The following IL1RAPL1 variants were observed in gnomAD, a reference collection of about 807,000 sequenced individuals.
IL1RAPL1 encodes interleukin 1 receptor accessory protein like 1.
Under a neutral mutation model 48.4 loss-of-function variants are expected in IL1RAPL1, and 3 were observed. The observed-to-expected ratio is 0.06, with a 90% CI of 0.03 to 0.16. The LOEUF is 0.16. Among genes scored for constraint, IL1RAPL1 ranks in the 10% least tolerant of loss-of-function variants. The pLI, the probability that IL1RAPL1 is intolerant of heterozygous loss-of-function variation, is 1.00. For missense variants in IL1RAPL1, 349 were observed against 530.6 expected (o/e 0.66, Z 3.36); for synonymous variants, 185 against 187.7 (o/e 0.99, Z 0.12).
At chrX:28,879,361 A>G (rs1452104363) in intron 2 of IL1RAPL1, among the ~76,000 whole-genome samples, 1 of 111,517 alleles carries the variant, frequency 9.0e-6, no homozygotes, top group Non-Finnish European at 1.9e-5. Context: ...ATGCAAAATG[A>G]GTCATGTTTT....
chrX:28,608,713 A>C (rs1194809279), intron 1 of IL1RAPL1, among the ~76,000 whole-genome samples: 2 of 112,008 alleles, frequency 1.8e-5, no homozygotes, highest in African/African-American at 3.2e-5. Flanking sequence ...AATTATTAAA[A>C]AATGTAACAT....
chrX:29,598,706 T>G (rs1923628715), intron 5 of IL1RAPL1, among the ~76,000 whole-genome samples: 1 of 111,794 alleles, frequency 8.9e-6, no homozygotes, highest in South Asian at 3.8e-4. Flanking sequence ...ACTTGGGAGC[T>G]CCAGTCTTAG....
At chrX:29,766,057 G>A (rs1180112559) in intron 6 of IL1RAPL1, among the ~76,000 whole-genome samples, 1 of 108,825 alleles carries the variant, frequency 9.2e-6, no homozygotes, top group Non-Finnish European at 1.9e-5. Flanking sequence ...CCGGCTGGGC[G>A]CGGTGGCTCA....
intron 1 of IL1RAPL1, among the ~76,000 whole-genome samples, chrX:28,746,988 C>T (rs1315086238): frequency 1.8e-5 from 2 of 110,591 alleles, no homozygotes; most frequent in African/African-American, 3.3e-5. Context: ...TTCTCTTTTT[C>T]GTCTTTCTAC....
At chrX:29,596,955 T>C (rs979404699) in intron 5 of IL1RAPL1, among the ~76,000 whole-genome samples, 3 of 111,588 alleles carry the variant, frequency 2.7e-5, no homozygotes, top group African/African-American at 6.5e-5. Context: ...TGATGGATTT[T>C]GTTAAATGCT....
chrX:29,029,758 T>A (rs951101350), intron 2 of IL1RAPL1, among the ~76,000 whole-genome samples: 3 of 112,143 alleles, frequency 2.7e-5, no homozygotes, highest in Non-Finnish European at 3.8e-5. Flanking sequence ...GTCCATCTTA[T>A]CAATTCTTTC....
intron 6 of IL1RAPL1, among the ~76,000 whole-genome samples, chrX:29,846,752 C>CTATATA (rs3084827): frequency 1.1e-5 from 1 of 93,622 alleles, no homozygotes; most frequent in African/African-American, 4.1e-5. Flanking sequence ...TAACCACAGT[C>CTATATA]TATATATATA....
chrX:29,876,927 C>G (rs1931916814), intron 6 of IL1RAPL1, among the ~76,000 whole-genome samples: 1 of 111,895 alleles, frequency 8.9e-6, no homozygotes, highest in Non-Finnish European at 1.9e-5. Context: ...GCAACCTGCT[C>G]CACGCGCCTC....
At chrX:28,599,916 C>A (rs1018008225) in intron 1 of IL1RAPL1, among the ~76,000 whole-genome samples, 1 of 112,088 alleles carries the variant, frequency 8.9e-6, no homozygotes, top group Non-Finnish European at 1.9e-5. Context: ...AAAATTGTCT[C>A]ACATTGAGTC....
intron 6 of IL1RAPL1, among the ~76,000 whole-genome samples, chrX:29,697,623 T>C (rs1372773183): frequency 1.8e-5 from 2 of 112,058 alleles, no homozygotes; most frequent in African/African-American, 3.2e-5. Flanking sequence ...CTATATATAC[T>C]CCAGACATTT....
At chrX:29,885,229 T>C (rs761374860) in intron 6 of IL1RAPL1, among the ~76,000 whole-genome samples, 71 of 112,133 alleles carry the variant, frequency 6.3e-4, no homozygotes, top group Non-Finnish European at 1.1e-3. Flanking sequence ...TTTTCTCAAA[T>C]GTCACCATTT....
chrX:28,768,715 C>CTT (rs1290284165), intron 1 of IL1RAPL1, among the ~76,000 whole-genome samples: 1 of 64,655 alleles, frequency 1.5e-5, no homozygotes, highest in Non-Finnish European at 2.7e-5. Flanking sequence ...CTCTCTCTCT[C>CTT]TCTCTCTCTC....
At chrX:29,400,429 T>C (rs1021919663) in intron 5 of IL1RAPL1, among the ~76,000 whole-genome samples, 1 of 112,419 alleles carries the variant, frequency 8.9e-6, no homozygotes, top group Admixed American at 9.5e-5. Context: ...TTTTTTTCTT[T>C]ATAGTGCATT....
chrX:29,054,205 C>T (rs1927161568), intron 2 of IL1RAPL1, among the ~76,000 whole-genome samples: 1 of 111,283 alleles, frequency 9.0e-6, no homozygotes, highest in Non-Finnish European at 1.9e-5. Flanking sequence ...TCCCCCTCTA[C>T]ACCAGCTATA....
chrX:28,966,574 G>A (rs902152563), intron 2 of IL1RAPL1, among the ~76,000 whole-genome samples: 1 of 111,827 alleles, frequency 8.9e-6, no homozygotes, highest in Admixed American at 9.6e-5. Flanking sequence ...GTATGACACA[G>A]GAGCGATTTT....
intron 2 of IL1RAPL1, among the ~76,000 whole-genome samples, chrX:28,874,374 T>A (rs1039912589): frequency 1.2e-4 from 14 of 112,057 alleles, no homozygotes; most frequent in African/African-American, 4.5e-4. Flanking sequence ...AGAAAATAAA[T>A]AGAAATATAG....
intron 6 of IL1RAPL1, among the ~76,000 whole-genome samples, chrX:29,836,616 C>T (rs1931013570): frequency 8.9e-6 from 1 of 112,041 alleles, no homozygotes; most frequent in Non-Finnish European, 1.9e-5. Context: ...AAAGTTCCTC[C>T]TGTTATGGAT....
chrX:29,719,456 C>G (rs1045173582), intron 6 of IL1RAPL1, among the ~76,000 whole-genome samples: 1 of 111,466 alleles, frequency 9.0e-6, no homozygotes, highest in African/African-American at 3.3e-5. Context: ...AGTCACATGT[C>G]TAGCCAATGG....
intron 5 of IL1RAPL1, among the ~76,000 whole-genome samples, chrX:29,514,308 C>A (rs1935423903): frequency 8.9e-6 from 1 of 112,274 alleles, no homozygotes. Flanking sequence ...TCAAGATTTT[C>A]TTCACACGTT....
Sources: gnomAD v4.1 joint callset for allele counts (sites outside exome capture counted in the v4.1 genomes callset) on GRCh38, gnomAD v4.1.1 for gene constraint, MANE v1.5 for transcripts, NCBI Gene and HGNC (gene_info 2026-07-23, HGNC 2026-07-21) for gene names.